The following AP3S2 variants were observed in gnomAD, a reference collection of about 807,000 sequenced individuals.
AP3S2 encodes AP-3 complex subunit sigma-2.
A neutral mutation model predicts 23.4 loss-of-function variants in AP3S2; 22 were observed. The observed-to-expected ratio is 0.94, with a 90% CI of 0.67 to 1.34. AP3S2 has a LOEUF of 1.34. AP3S2 is among the 40% of genes most tolerant of loss of function. AP3S2 has a pLI of 0.00. For missense variants in AP3S2, 241 were observed against 236.9 expected (o/e 1.02, Z -0.11); for synonymous variants, 86 against 87.1 (o/e 0.99, Z 0.07).
intron 4 of AP3S2, among the ~76,000 whole-genome samples, chr15:89,849,533 AT>A (rs1200190503): frequency 1.3e-5 from 2 of 151,818 alleles, no homozygotes; most frequent in East Asian, 1.9e-4. Flanking sequence ...CGCCCGGCTA[AT>A]TTTTTGTATT....
At chr15:89,877,879 T>A (rs1283083472) in intron 3 of AP3S2, among the ~76,000 whole-genome samples, 1 of 152,164 alleles carries the variant, frequency 6.6e-6, no homozygotes, top group East Asian at 1.9e-4. Flanking sequence ...TATTGAAAAA[T>A]AAGATTTTTT....
At chr15:89,839,073 G>C (rs1895263592) in intron 4 of AP3S2, among the ~76,000 whole-genome samples, 1 of 152,170 alleles carries the variant, frequency 6.6e-6, no homozygotes, top group Non-Finnish European at 1.5e-5. Flanking sequence ...CCTCCAGCTT[G>C]ACAATCAAAA....
intron 3 of AP3S2, among the ~76,000 whole-genome samples, chr15:89,881,823 A>ATT (rs752970064): frequency 3.5e-5 from 5 of 144,668 alleles, no homozygotes; most frequent in African/African-American, 1.3e-4. Flanking sequence ...CATACTCTTC[A>ATT]TTTTTTTTTT....
chr15:89,853,638 G>C (rs941998782), intron 4 of AP3S2, among the ~76,000 whole-genome samples: 7 of 139,460 alleles, frequency 5.0e-5, no homozygotes, highest in African/African-American at 1.9e-4. Context: ...GTCTCCGCCC[G>C]GCCGCCATCC....
At chr15:89,875,159 C>T (rs947413416) in intron 3 of AP3S2, among the ~76,000 whole-genome samples, 1 of 152,232 alleles carries the variant, frequency 6.6e-6, no homozygotes, top group South Asian at 2.1e-4. Flanking sequence ...CGTGGAGGTG[C>T]CCCCTAGCGG....
At chr15:89,883,288 T>G (rs1334777415) in intron 3 of AP3S2, among the ~76,000 whole-genome samples, 2 of 152,210 alleles carry the variant, frequency 1.3e-5, no homozygotes, top group African/African-American at 4.8e-5. Flanking sequence ...TCCGGCCACC[T>G]TACATTGATA....
chr15:89,854,049 C>T (rs1305900452), intron 4 of AP3S2, among the ~76,000 whole-genome samples: 3 of 51,572 alleles, frequency 5.8e-5, no homozygotes, highest in Admixed American at 4.4e-4. Flanking sequence ...CCCGGCCAGC[C>T]GCCCCATCCG....
At chr15:89,893,686 G>A (rs1329465585) in intron 1 of AP3S2, 195 bp downstream of exon 1, 2 of 579,788 alleles carry the variant, frequency 3.4e-6, no homozygotes, top group Non-Finnish European at 6.1e-6. Context: ...AGCGAGAGCG[G>A]GGCAGTAGGG....
chr15:89,875,605 G>A (rs1896424003), intron 3 of AP3S2, among the ~76,000 whole-genome samples: 1 of 146,096 alleles, frequency 6.8e-6, no homozygotes, highest in African/African-American at 2.5e-5. Flanking sequence ...CTTCTGAGGA[G>A]CATAATGACA....
intron 3 of AP3S2, among the ~76,000 whole-genome samples, chr15:89,881,360 A>T (rs144874458): frequency 1.3e-5 from 2 of 152,362 alleles, no homozygotes; most frequent in Non-Finnish European, 2.9e-5. Flanking sequence ...ATTTACACTT[A>T]ATATAATAGG....
intron 3 of AP3S2, 85 bp downstream of exon 3, chr15:89,888,436 G>T: frequency 7.5e-7 from 1 of 1,329,004 alleles, no homozygotes; most frequent in Admixed American, 1.9e-5. Context: ...ATAAGGAGAT[G>T]GACACAAGGT....
chr15:89,863,692 CT>C (rs1896056574), intron 4 of AP3S2, among the ~76,000 whole-genome samples: 1 of 152,210 alleles, frequency 6.6e-6, no homozygotes, highest in African/African-American at 2.4e-5. Flanking sequence ...AGGCCTACTA[CT>C]CCGGCCACAT....
intron 3 of AP3S2, chr15:89,878,169 C>A: frequency 1.8e-6 from 1 of 568,900 alleles, no homozygotes; most frequent in Non-Finnish European, 3.1e-6. Context: ...GGTACATAAT[C>A]CAGCACAAAT....
At chr15:89,842,814 T>C (rs181856618) in intron 4 of AP3S2, among the ~76,000 whole-genome samples, 11 of 152,266 alleles carry the variant, frequency 7.2e-5, no homozygotes, top group African/African-American at 2.4e-4. Context: ...GGTTTTACCA[T>C]GTTGGCCAGG....
intron 3 of AP3S2, among the ~76,000 whole-genome samples, chr15:89,881,824 T>G (rs995621652): frequency 7.0e-6 from 1 of 143,844 alleles, no homozygotes; most frequent in Non-Finnish European, 1.5e-5. Context: ...ATACTCTTCA[T>G]TTTTTTTTTT....
At chr15:89,889,225 T>G (rs1189388706) in intron 1 of AP3S2, 85 bp from the exon 2 acceptor site, 5 of 1,459,522 alleles carry the variant, frequency 3.4e-6, no homozygotes, top group Non-Finnish European at 4.8e-6. Context: ...GAAGAAGTGT[T>G]TCTAAGCTGG....
chr15:89,857,103 C>T (rs572497201), intron 4 of AP3S2, among the ~76,000 whole-genome samples: 1 of 152,180 alleles, frequency 6.6e-6, no homozygotes, highest in South Asian at 2.1e-4. Context: ...AACTACAATA[C>T]CGAAGTTTAG....
intron 4 of AP3S2, among the ~76,000 whole-genome samples, chr15:89,867,969 T>C (rs1287259947): frequency 1.4e-5 from 2 of 138,962 alleles, no homozygotes; most frequent in Non-Finnish European, 1.6e-5. Flanking sequence ...CGGCCAGCCG[T>C]GCCATCCGGG....
At chr15:89,849,187 G>T (rs1468457859) in intron 4 of AP3S2, among the ~76,000 whole-genome samples, 1 of 152,120 alleles carries the variant, frequency 6.6e-6, no homozygotes, top group Non-Finnish European at 1.5e-5. Context: ...CTTCTAGCTA[G>T]GGAGACAAAA....
Sources: allele counts gnomAD v4.1 joint callset (sites outside exome capture counted in the v4.1 genomes callset), GRCh38; gene constraint gnomAD v4.1.1; transcripts MANE v1.5; gene names NCBI Gene and HGNC (gene_info 2026-07-23, HGNC 2026-07-21).